Variants in IL27RA observed in about 807,000 individuals in gnomAD.
IL27RA encodes interleukin-27 receptor subunit alpha.
IL27RA carries 61 observed loss-of-function variants against 80.8 expected under a neutral mutation model. The observed-to-expected ratio is 0.76, with a 90% confidence interval of 0.61 to 0.93. The LOEUF is 0.93. IL27RA is among the 40% of genes least tolerant of loss of function. IL27RA has a pLI of 0.00. For missense variants in IL27RA, 735 were observed against 808.1 expected, an observed-to-expected ratio of 0.91 and a Z score of 1.10; for synonymous variants, 316 against 332.5, an observed-to-expected ratio of 0.95 and a Z score of 0.54.
At chr19:14,042,347 CAACG>C in intron 4 of IL27RA, 102 bp from the exon 5 acceptor site, 9 of 1,246,476 alleles carry the variant, frequency 7.2e-6, no homozygotes, top group Non-Finnish European at 1.0e-5. Context: ...GCCTGGGCCA[CAACG>C]AGACTGTCTC....
chr19:14,033,763 G>A (rs373218511), intron 2 of IL27RA, among the ~76,000 whole-genome samples: 26 of 152,098 alleles, frequency 1.7e-4, no homozygotes, highest in African/African-American at 5.8e-4. Context: ...TCAGGAGTTC[G>A]AGACCAGCCT....
In IL27RA at chr19:14,042,573, G is replaced by A. The variant is rs772990308; in HGVS notation, c.655G>A (p.Glu219Lys). The A allele has an allele frequency of 9.3e-6, 15 of 1,613,990 alleles. No homozygotes were observed. The highest frequency in any genetic ancestry group is 1.6e-4 in the Middle Eastern group (1 of 6,084). Residue 219 changes from glutamate to lysine, a missense_variant, in exon 5 of 14, where the codon GAG becomes AAG. Transcript: ENST00000263379. ...GGAGAAAGAAGAGGATTTGTGGGGC[G>A]AGTGGAGCCCCATTTTGTCCTTCCA... The part of the protein sequence containing the change: ...RMEKEEDLWG[E>K]WSPILSFQTP...
At chr19:14,049,863 C>T (rs1038069523) in intron 10 of IL27RA, among the ~76,000 whole-genome samples, 3 of 151,936 alleles carry the variant, frequency 2.0e-5, no homozygotes, top group Non-Finnish European at 2.9e-5. Flanking sequence ...TAGGTGTGAG[C>T]CACTGCGCCC....
At chr19:14,041,729 C>T (rs1303991567) in intron 4 of IL27RA, among the ~76,000 whole-genome samples, 4 of 152,306 alleles carry the variant, frequency 2.6e-5, no homozygotes, top group African/African-American at 9.6e-5. Flanking sequence ...TTCTGGAAAC[C>T]CCCTTGGTCC....
intron 10 of IL27RA, 79 bp from the exon 11 acceptor site, chr19:14,050,679 C>A: frequency 6.8e-7 from 1 of 1,463,348 alleles, no homozygotes; most frequent in Non-Finnish European, 9.3e-7. Context: ...GAGAGTGTTG[C>A]AGACAGCAGG....
chr19:14,038,721 C>T (rs567655528), intron 2 of IL27RA, among the ~76,000 whole-genome samples: 2 of 151,362 alleles, frequency 1.3e-5, no homozygotes, highest in African/African-American at 2.4e-5. Flanking sequence ...CCTGTCTCTA[C>T]TAAAAGTACA....
intron 2 of IL27RA, among the ~76,000 whole-genome samples, chr19:14,034,837 C>T (rs1975874856): frequency 6.6e-6 from 1 of 151,334 alleles, no homozygotes; most frequent in Non-Finnish European, 1.5e-5. Flanking sequence ...CCTGTAGTCC[C>T]AGCTACTCAG....
intron 6 of IL27RA, among the ~76,000 whole-genome samples, chr19:14,043,929 T>A (rs1976026039): frequency 6.7e-6 from 1 of 149,006 alleles, no homozygotes; most frequent in South Asian, 2.1e-4. Flanking sequence ...GCACCTGTAA[T>A]CCCAGCTACT....
chr19:14,037,830 C>CTG (rs1200991934), intron 2 of IL27RA, among the ~76,000 whole-genome samples: 1 of 128,162 alleles, frequency 7.8e-6, no homozygotes, highest in Non-Finnish European at 1.7e-5. Flanking sequence ...CTCGCTCTCT[C>CTG]TCTCTTTTTT....
chr19:14,033,281 GA>G (rs1485537266), intron 2 of IL27RA, among the ~76,000 whole-genome samples: 1 of 150,986 alleles, frequency 6.6e-6, no homozygotes, highest in Non-Finnish European at 1.5e-5. Flanking sequence ...ATTTTTAGTA[GA>G]GGGGGGAGGT....
At chr19:14,032,625 C>G (rs1327461115) in intron 2 of IL27RA, 122 bp downstream of exon 2, 3 of 217,968 alleles carry the variant, frequency 1.4e-5, no homozygotes, top group Non-Finnish European at 2.3e-5. Context: ...CCTGTCTATA[C>G]TAAAAATACA....
chr19:14,033,733 G>A (rs1357016649), intron 2 of IL27RA, among the ~76,000 whole-genome samples: 3 of 151,964 alleles, frequency 2.0e-5, no homozygotes, highest in Non-Finnish European at 2.9e-5. Context: ...TTGGGAGGCC[G>A]AGGCGGGCAG....
At chr19:14,050,683 C>G in intron 10 of IL27RA, 75 bp from the exon 11 acceptor site, 1 of 1,491,704 alleles carries the variant, frequency 6.7e-7, no homozygotes, top group Non-Finnish European at 9.2e-7. Flanking sequence ...GTGTTGCAGA[C>G]AGCAGGAAGA....
intron 2 of IL27RA, 67 bp downstream of exon 2, chr19:14,032,570 T>A: frequency 1.0e-6 from 1 of 961,494 alleles, no homozygotes; most frequent in Non-Finnish European, 1.6e-6. Context: ...CAGGCTGCTT[T>A]GGTTGAAAGG....
In IL27RA at chr19:14,050,835, A is replaced by G. The variant is rs1056586112; in HGVS notation, c.1480A>G (p.Ile494Val). The change falls in exon 11 of 14, where the codon ATC (isoleucine) becomes GTC (valine). Residue 494 changes from isoleucine (I) to valine (V), a missense_variant. Physicochemically the swap from Ile to Val is conservative, Grantham distance 29. Transcript: ENST00000263379. ...PCELWVTAST[I>V]AGQGPPGPIL... ...TGAGCTGTGGGTGACAGCATCTACC[A>G]TCGCTGGACAGGGCCCTCCTGGTCC... is the stretch of plus-strand genomic sequence containing the variant. 1.2e-6 allele frequency: 2 copies of G among 1,613,530 alleles called. No individual in the cohort carries two copies. The highest frequency in any genetic ancestry group is 1.7e-6 in the Non-Finnish European group (2 of 1,179,566).
At chr19:14,043,520 G>A (rs1003400119) in intron 6 of IL27RA, among the ~76,000 whole-genome samples, 4 of 150,960 alleles carry the variant, frequency 2.6e-5, no homozygotes, top group Admixed American at 2.0e-4. Flanking sequence ...CACCTCCCAG[G>A]TTCAAGCCAT....
chr19:14,051,756 T>A (rs1976168886), intron 12 of IL27RA, 56 bp downstream of exon 12: 14 of 1,462,290 alleles, frequency 9.6e-6, no homozygotes, highest in Non-Finnish European at 1.3e-5. Context: ...GCTGGGCATT[T>A]TGCTGAGCTT....
At chr19:14,042,817 T>A (rs2145691388) in intron 6 of IL27RA, 28 bp downstream of exon 6, 1 of 1,594,250 alleles carries the variant, frequency 6.3e-7, no homozygotes, top group East Asian at 2.2e-5. Context: ...GTTACATTTC[T>A]CTGCACGTGT....
rs148529063 is a variant in IL27RA at position 14,037,595 on chromosome 19, C to T, written c.219-1913C>T. Among the ~76,000 whole-genome samples, 5 of 152,148 alleles carry T rather than the reference C, an allele frequency of 3.3e-5. No individual in the cohort carries two copies. The East Asian group carries it at 9.7e-4, about 30-fold the overall frequency. On this transcript the variant is annotated intron_variant, in intron 2 of 13. Coordinates refer to ENST00000263379, the MANE Select transcript of IL27RA (RefSeq NM_004843.4). ...TTAAACACACCAGGCACAGTTTGGC[C>T]TCCAGGTCTTTGCACCCTGTGTTTC... is the stretch of plus-strand genomic sequence containing the variant.
Sources: allele counts gnomAD v4.1 joint callset (sites outside exome capture counted in the v4.1 genomes callset), GRCh38; gene constraint gnomAD v4.1.1; transcripts MANE v1.5; gene names NCBI Gene and HGNC (gene_info 2026-07-23, HGNC 2026-07-21).